Variants in TM9SF2 observed in about 807,000 individuals in gnomAD.
TM9SF2 encodes transmembrane 9 superfamily member 2, also known as 76 kDa membrane protein.
A neutral mutation model predicts 84.9 loss-of-function variants in TM9SF2; 13 were observed. That is an observed-to-expected ratio of 0.15 (90% CI 0.10 to 0.24). The LOEUF is 0.24. Ranked by LOEUF, TM9SF2 falls within the 10% of genes least tolerant of loss-of-function variation. The probability of loss-of-function intolerance (pLI) is 1.00; values close to 1 mark genes in which losing one functional copy is unlikely to be tolerated. For missense variants in TM9SF2, 562 were observed against 818.5 expected (o/e 0.69, Z 3.82); for synonymous variants, 273 against 285.8 (o/e 0.96, Z 0.45).
At chr13:99,526,275 T>A (rs1174042534) in intron 3 of TM9SF2, among the ~76,000 whole-genome samples, 1 of 152,254 alleles carries the variant, frequency 6.6e-6, no homozygotes, top group Non-Finnish European at 1.5e-5. Context: ...GCGTGCTTAA[T>A]TGTGTATCTC....
intron 1 of TM9SF2, 56 bp from the exon 2 acceptor site, chr13:99,517,558 C>G: frequency 8.4e-7 from 1 of 1,195,630 alleles, no homozygotes. Flanking sequence ...CTAAGCATGA[C>G]TTAAGGCTTT....
intron 1 of TM9SF2, among the ~76,000 whole-genome samples, chr13:99,513,576 T>C (rs978210195): frequency 9.9e-5 from 15 of 151,950 alleles, no homozygotes; most frequent in African/African-American, 3.4e-4. Context: ...TTTCAAACTT[T>C]ATGCCTTGTG....
intron 1 of TM9SF2, among the ~76,000 whole-genome samples, chr13:99,511,446 A>G (rs2046113431): frequency 6.6e-6 from 1 of 152,186 alleles, no homozygotes; most frequent in Admixed American, 6.5e-5. Context: ...GGAGGATCTC[A>G]TTCTTATGAC....
chr13:99,539,595 G>C (rs986225336), intron 7 of TM9SF2, 38 bp downstream of exon 7: 2 of 1,322,694 alleles, frequency 1.5e-6, no homozygotes, highest in African/African-American at 2.9e-5. Flanking sequence ...CTCTGAAATT[G>C]ATTTTAAATT....
At chr13:99,526,821 T>C (rs2046185726) in intron 3 of TM9SF2, among the ~76,000 whole-genome samples, 1 of 110,468 alleles carries the variant, frequency 9.1e-6, no homozygotes, top group Non-Finnish European at 2.2e-5. Flanking sequence ...TGAGGGCCAG[T>C]GACCTGGGGT....
At chr13:99,551,374 G>A (rs1272807386) in intron 12 of TM9SF2, among the ~76,000 whole-genome samples, 1 of 152,222 alleles carries the variant, frequency 6.6e-6, no homozygotes, top group Non-Finnish European at 1.5e-5. Context: ...CAGAGGAACT[G>A]TTAGATAAGT....
chr13:99,503,577 C>T (rs1434812351), intron 1 of TM9SF2, among the ~76,000 whole-genome samples: 3 of 151,920 alleles, frequency 2.0e-5, no homozygotes, highest in African/African-American at 7.3e-5. Flanking sequence ...GGCGTGGTGG[C>T]GGGCATCTGT....
chr13:99,549,054 A>C, intron 11 of TM9SF2, 111 bp from the exon 12 acceptor site: 14 of 767,092 alleles, frequency 1.8e-5, no homozygotes, highest in Non-Finnish European at 2.4e-5. Flanking sequence ...TTTTCTAGGA[A>C]TGAGTACTCA....
chr13:99,536,788 G>T (rs769815945), intron 5 of TM9SF2, 51 bp downstream of exon 5: 1 of 1,600,822 alleles, frequency 6.2e-7, no homozygotes, highest in East Asian at 2.2e-5. Flanking sequence ...GCTTTTGATA[G>T]AATTCAGTCT....
chr13:99,544,231 C>A (rs1301002487), intron 10 of TM9SF2, among the ~76,000 whole-genome samples: 4 of 151,870 alleles, frequency 2.6e-5, no homozygotes, highest in Non-Finnish European at 5.9e-5. Context: ...GCCTGTAATC[C>A]CAGCTACTTG....
rs113312744 is a variant in TM9SF2, at chr13:99,521,232, T to A, written c.333+1103T>A. ...GTTTGTTATTAAAATTTCCTGAAAA[T>A]TTTCATACACCTATAAGCTTACATT... On this transcript the variant is annotated intron_variant, in intron 3 of 16. Transcript: ENST00000376387. 5.9e-5 allele frequency among the ~76,000 whole-genome samples: 9 copies of A among 152,322 alleles called. 1 individual carries two copies. Among genetic ancestry groups the A allele is most frequent in the African/African-American group, 1.9e-4 (8 of 41,570 alleles).
chr13:99,529,614 G>C lies in TM9SF2; in HGVS notation c.461+20G>C. On this transcript the variant is annotated intron_variant, in intron 4 of 16. Coordinates refer to ENST00000376387, the MANE Select transcript of TM9SF2 (RefSeq NM_004800.3). Reference sequence around the variant, plus strand: ...TCACTGGTAAGGCATGAATATTTTCGATTTTGGGGTTTATCCTTTCCATAT... The same window carrying C: ...TCACTGGTAAGGCATGAATATTTTCCATTTTGGGGTTTATCCTTTCCATAT... 6.6e-7 allele frequency: 1 copy of C among 1,510,164 alleles called. No individual in the cohort carries two copies. Among genetic ancestry groups the C allele is most frequent in the Non-Finnish European group, 8.8e-7 (1 of 1,133,602 alleles). 93.5% of individuals were successfully genotyped at this position (1,510,164 alleles called of 1,614,324 possible). A position where few individuals can be genotyped will look rare whatever the true frequency, so the allele number is the denominator to read the frequency against.
chr13:99,531,898 A>T (rs961419093), intron 4 of TM9SF2, among the ~76,000 whole-genome samples: 1 of 152,130 alleles, frequency 6.6e-6, no homozygotes, highest in African/African-American at 2.4e-5. Flanking sequence ...AGTAATTGAA[A>T]TTTCCTTGTT....
rs1182534917 is a variant in TM9SF2, at chr13:99,534,470, T to TG, written c.462-2137dup. ...GCTCTGTTTTCACTCTATTAAATCT[T>TG]GCAACTGCAAAAAAAAGAAAAGAAA... is the stretch of plus-strand genomic sequence containing the variant. On this transcript the variant is annotated intron_variant, in intron 4 of 16. Coordinates refer to ENST00000376387, the MANE Select transcript of TM9SF2 (RefSeq NM_004800.3). Among the ~76,000 whole-genome samples, 5 of 152,298 alleles carry TG rather than the reference T, an allele frequency of 3.3e-5. No individual in the cohort carries two copies. In the East Asian group the frequency reaches 9.6e-4, roughly 29 times the overall value.
intron 15 of TM9SF2, among the ~76,000 whole-genome samples, chr13:99,557,506 G>A (rs1362290644): frequency 2.0e-5 from 3 of 151,984 alleles, no homozygotes; most frequent in Non-Finnish European, 4.4e-5. Flanking sequence ...TTGCACAAAA[G>A]TTTTAAATTT....
rs186981964 is a variant in TM9SF2, at chr13:99,541,915, C to T, written c.1017+248C>T. On this transcript the variant is annotated intron_variant, in intron 9 of 16. Coordinates refer to ENST00000376387, the MANE Select transcript of TM9SF2 (RefSeq NM_004800.3). Reference sequence around the variant, plus strand: ...CTGTAATCCCAGCACTTTGGGAGGCCGGGGTGGGCGGATCACCTGAGGTCA... The same window carrying T: ...CTGTAATCCCAGCACTTTGGGAGGCTGGGGTGGGCGGATCACCTGAGGTCA... Among the ~76,000 whole-genome samples, 186 of 152,112 alleles carry T rather than the reference C, an allele frequency of 1.2e-3. 2 individuals carry two copies. Among genetic ancestry groups the T allele is most frequent in the African/African-American group, 4.2e-3 (175 of 41,522 alleles).
chr13:99,561,605 A>G (rs1225187423), intron 16 of TM9SF2, among the ~76,000 whole-genome samples: 2 of 152,206 alleles, frequency 1.3e-5, no homozygotes, highest in Non-Finnish European at 2.9e-5. Context: ...GCCTCAATAC[A>G]TGTACAATGT....
chr13:99,513,631 T>C (rs759273910), intron 1 of TM9SF2, among the ~76,000 whole-genome samples: 10 of 152,222 alleles, frequency 6.6e-5, no homozygotes, highest in Non-Finnish European at 1.5e-4. Context: ...GAAAAATACC[T>C]GGAAAACAGT....
intron 1 of TM9SF2, among the ~76,000 whole-genome samples, chr13:99,504,282 A>G (rs2046079672): frequency 6.6e-6 from 1 of 152,214 alleles, no homozygotes; most frequent in Non-Finnish European, 1.5e-5. Context: ...GTGAAATGGA[A>G]ATAATTTTTT....
Sources: gnomAD v4.1 joint callset for allele counts (sites outside exome capture counted in the v4.1 genomes callset) on GRCh38, gnomAD v4.1.1 for gene constraint, MANE v1.5 for transcripts, NCBI Gene and HGNC (gene_info 2026-07-23, HGNC 2026-07-21) for gene names.